Variants in ITPR1 observed in about 807,000 individuals in gnomAD.
ITPR1 encodes the protein inositol 1,4,5-trisphosphate-gated calcium channel ITPR1.
ITPR1 carries 96 observed loss-of-function variants against 318.4 expected under a neutral mutation model. That is an observed-to-expected ratio of 0.30 (90% CI 0.26 to 0.36). The LOEUF is 0.36. Among genes scored for constraint, ITPR1 ranks in the 10% least tolerant of loss-of-function variants. The probability of loss-of-function intolerance (pLI) is 1.00; values close to 1 mark genes in which losing one functional copy is unlikely to be tolerated. For missense variants in ITPR1, 2,440 were observed against 3,460.2 expected (o/e 0.71, Z 7.40); for synonymous variants, 1,312 against 1,289.9 (o/e 1.02, Z -0.37).
chr3:4,496,125 A>T (rs971287913), intron 2 of ITPR1, among the ~76,000 whole-genome samples: 6 of 152,240 alleles, frequency 3.9e-5, no homozygotes, highest in Non-Finnish European at 8.8e-5. Flanking sequence ...GCTGAAATAC[A>T]TCTTGATTGT....
At chr3:4,811,732 C>G (rs1159370405) in intron 56 of ITPR1, among the ~76,000 whole-genome samples, 1 of 152,156 alleles carries the variant, frequency 6.6e-6, no homozygotes, top group Non-Finnish European at 1.5e-5. Flanking sequence ...AAAGCAGTGA[C>G]CATACATATT....
chr3:4,586,721 C>T (rs1361443498), intron 4 of ITPR1, among the ~76,000 whole-genome samples: 2 of 140,290 alleles, frequency 1.4e-5, no homozygotes, highest in Admixed American at 1.4e-4. Flanking sequence ...GTTGCCCAGG[C>T]TGGATTTTTT....
chr3:4,752,489 G>A (rs2125348365), intron 44 of ITPR1, among the ~76,000 whole-genome samples: 1 of 152,340 alleles, frequency 6.6e-6, no homozygotes, highest in South Asian at 2.1e-4. Context: ...CACCACATCA[G>A]CTGCCTTTGG....
At chr3:4,628,584 C>T (rs373171287) in intron 5 of ITPR1, among the ~76,000 whole-genome samples, 4 of 152,146 alleles carry the variant, frequency 2.6e-5, no homozygotes, top group South Asian at 2.1e-4. Flanking sequence ...GTACTAACAT[C>T]GAAATTGTGC....
At chr3:4,681,214 G>A (rs1369474817) in intron 25 of ITPR1, 150 bp from the exon 26 acceptor site, 24 of 629,578 alleles carry the variant, frequency 3.8e-5, no homozygotes, top group Non-Finnish European at 6.7e-5. Flanking sequence ...TGTCATCTGG[G>A]TTAGTCACTC....
intron 44 of ITPR1, among the ~76,000 whole-genome samples, chr3:4,746,529 C>G (rs2044121031): frequency 6.6e-6 from 1 of 150,626 alleles, no homozygotes; most frequent in Non-Finnish European, 1.5e-5. Context: ...GAAACTTCCT[C>G]TTGATCCCCT....
intron 4 of ITPR1, among the ~76,000 whole-genome samples, chr3:4,627,115 C>A (rs1003126043): frequency 6.6e-6 from 1 of 151,872 alleles, no homozygotes; most frequent in African/African-American, 2.4e-5. Flanking sequence ...GCCACCGTGC[C>A]GGGCCTGTAA....
intron 12 of ITPR1, among the ~76,000 whole-genome samples, chr3:4,654,198 G>T (rs2093655692): frequency 6.6e-6 from 1 of 152,192 alleles, no homozygotes. Context: ...CACCTCATAT[G>T]GAAGATGGTC....
intron 4 of ITPR1, among the ~76,000 whole-genome samples, chr3:4,567,894 G>C (rs189536007): frequency 3.9e-5 from 6 of 152,136 alleles, no homozygotes; most frequent in Non-Finnish European, 7.3e-5. Context: ...GTGAGCCACC[G>C]TGCCCCACCT....
At chr3:4,693,424 A>AGATT in intron 32 of ITPR1, 66 bp from the exon 33 acceptor site, 1 of 1,550,946 alleles carries the variant, frequency 6.4e-7, no homozygotes, top group Non-Finnish European at 8.8e-7. Flanking sequence ...CTCTGTGAAT[A>AGATT]GATTTTTTTC....
At chr3:4,611,686 C>T (rs984636134) in intron 4 of ITPR1, among the ~76,000 whole-genome samples, 3 of 152,074 alleles carry the variant, frequency 2.0e-5, no homozygotes, top group Non-Finnish European at 2.9e-5. Flanking sequence ...GCCGCGGCTG[C>T]AGTGAGCTGA....
intron 33 of ITPR1, among the ~76,000 whole-genome samples, 194 bp from the exon 34 acceptor site, chr3:4,696,953 A>C (rs947761100): frequency 6.6e-6 from 1 of 152,116 alleles, no homozygotes; most frequent in African/African-American, 2.4e-5. Flanking sequence ...TCATGAAAAT[A>C]TTCTCTTCCA....
chr3:4,568,805 T>G (rs2087669554), intron 4 of ITPR1, among the ~76,000 whole-genome samples: 2 of 152,176 alleles, frequency 1.3e-5, no homozygotes, highest in African/African-American at 4.8e-5. Flanking sequence ...TTTTCTTGCA[T>G]TGCTATAAAG....
chr3:4,747,371 G>T (rs2044184853), intron 44 of ITPR1, among the ~76,000 whole-genome samples: 1 of 152,196 alleles, frequency 6.6e-6, no homozygotes, highest in African/African-American at 2.4e-5. Flanking sequence ...AGTTGTTCCA[G>T]GGTTTGTTTT....
rs1190002680 is a variant in ITPR1 at position 4,688,477 on chromosome 3, C to T, written c.3703-18C>T. ...CTGGCCCAGCAATCAGTGCTTTCAT[C>T]TGTCTCCTCCCACACAGGCCGAAGA... On this transcript the variant is annotated intron_variant, in intron 30 of 61. Coordinates refer to ENST00000649015, the MANE Select transcript of ITPR1 (RefSeq NM_001378452.1). 2 of 1,612,944 alleles carry T rather than the reference C, an allele frequency of 1.2e-6. No homozygotes were observed. The highest frequency in any genetic ancestry group is 1.3e-5 in the African/African-American group (1 of 74,910).
intron 2 of ITPR1, among the ~76,000 whole-genome samples, chr3:4,506,899 C>A (rs2081432073): frequency 6.6e-6 from 1 of 152,170 alleles, no homozygotes; most frequent in Non-Finnish European, 1.5e-5. Flanking sequence ...GAGCTCTTTT[C>A]ATGCCTAAAA....
rs369944828 is a variant in ITPR1, at chr3:4,843,553, G to T, written c.8191-2586G>T. Among the ~76,000 whole-genome samples, 142 of 152,312 alleles carry T rather than the reference G, an allele frequency of 9.3e-4. 4 individuals carry two copies. In the South Asian group the frequency reaches 0.028, roughly 30 times the overall value. The stretch of plus-strand genomic sequence containing the variant: ...GAGTCAGAAACTCTGTTTCTGATCT[G>T]TGTTTTAACAAATGTTCTGGGTGAT... On this transcript the variant is annotated intron_variant, in intron 61 of 61. Coordinates refer to ENST00000649015, the MANE Select transcript of ITPR1 (RefSeq NM_001378452.1).
At chr3:4,674,775 T>A (rs1229025874) in intron 22 of ITPR1, among the ~76,000 whole-genome samples, 1 of 152,144 alleles carries the variant, frequency 6.6e-6, no homozygotes, top group African/African-American at 2.4e-5. Context: ...TTATTGGGAA[T>A]AACTCTGCTT....
chr3:4,683,897 T>C, intron 28 of ITPR1, 99 bp downstream of exon 28: 1 of 1,090,954 alleles, frequency 9.2e-7, no homozygotes, highest in Non-Finnish European at 1.3e-6. Flanking sequence ...TGATAGGATT[T>C]ATTTTCAAGA....
Sources: gnomAD v4.1 joint callset for allele counts (sites outside exome capture counted in the v4.1 genomes callset) on GRCh38, gnomAD v4.1.1 for gene constraint, MANE v1.5 for transcripts, NCBI Gene and HGNC (gene_info 2026-07-23, HGNC 2026-07-21) for gene names.